SLC8A2: variants seen among roughly 807,000 people sequenced by gnomAD.
SLC8A2 encodes solute carrier family 8 member A2.
Under a neutral mutation model 70.2 loss-of-function variants are expected in SLC8A2, and 14 were observed. The ratio of observed to expected loss-of-function variants is 0.20; its 90% CI spans 0.13 to 0.31. The LOEUF (loss-of-function observed/expected upper bound fraction) is 0.31. Ranked by LOEUF, SLC8A2 falls within the 10% of genes least tolerant of loss-of-function variation. The pLI, the probability that SLC8A2 is intolerant of heterozygous loss-of-function variation, is 1.00. For synonymous variants in SLC8A2, 575 were observed against 594.3 expected, an observed-to-expected ratio of 0.97 and a Z score of 0.47; for missense variants, 779 against 1,320.1, an observed-to-expected ratio of 0.59 and a Z score of 6.35.
chr19:47,467,984 C>T (rs1055363085), intron 1 of SLC8A2, among the ~76,000 whole-genome samples: 3 of 151,840 alleles, frequency 2.0e-5, no homozygotes, highest in Non-Finnish European at 4.4e-5. Flanking sequence ...CCAGTCTGGG[C>T]GACAAAACCA....
chr19:47,459,053 T>C (rs540076309), intron 2 of SLC8A2, among the ~76,000 whole-genome samples: 3 of 148,600 alleles, frequency 2.0e-5, no homozygotes, highest in African/African-American at 5.0e-5. Context: ...TCTCTGTTCC[T>C]CACTTATTCT....
At chr19:47,459,871 A>C (rs1185836650) in intron 2 of SLC8A2, among the ~76,000 whole-genome samples, 1 of 152,106 alleles carries the variant, frequency 6.6e-6, no homozygotes, top group Non-Finnish European at 1.5e-5. Context: ...TTAGATGCTG[A>C]GAACCATGCC....
intron 6 of SLC8A2, among the ~76,000 whole-genome samples, chr19:47,439,834 T>C (rs1967078974): frequency 6.6e-6 from 1 of 152,100 alleles, no homozygotes; most frequent in Non-Finnish European, 1.5e-5. Flanking sequence ...CGGCTAATTT[T>C]TGTATTTTTA....
In SLC8A2 at chr19:47,448,656, A is replaced by T. The variant is rs1967199400; in HGVS notation, c.1341-425T>A. 6.6e-6 allele frequency among the ~76,000 whole-genome samples: 1 copy of T among 152,100 alleles called. No homozygotes were observed. Among genetic ancestry groups the T allele is most frequent in the Non-Finnish European group, 1.5e-5 (1 of 68,004 alleles). Reference sequence around the variant, plus strand: ...TTCTCAAACCTTAATATGCATATGAATCCCCTGGTGGAGCTTGTGAAAATG... The same window carrying T: ...TTCTCAAACCTTAATATGCATATGATTCCCCTGGTGGAGCTTGTGAAAATG... On this transcript the variant is annotated intron_variant, in intron 3 of 9. Coordinates refer to ENST00000236877, the MANE Select transcript of SLC8A2 (RefSeq NM_015063.3). The surrounding 1 kb of genome is among the most constrained non-coding windows in gnomAD (Gnocchi z 4.8).
chr19:47,470,952 C>G (rs1967529709), intron 1 of SLC8A2, among the ~76,000 whole-genome samples: 1 of 151,806 alleles, frequency 6.6e-6, no homozygotes. Flanking sequence ...CTGGGGGAGC[C>G]CACTCTGCGG....
Position 47,466,473 on chromosome 19 carries a change from T to G in SLC8A2, c.-16-54A>C. Reference sequence around the variant, plus strand: ...GAGGGAAGCAAACCTCTTTCTGTCATACAAAGGTCAAAGCTCACTGGGGAA... The same window carrying G: ...GAGGGAAGCAAACCTCTTTCTGTCAGACAAAGGTCAAAGCTCACTGGGGAA... On this transcript the variant is annotated intron_variant, in intron 1 of 9. Transcript: ENST00000236877. This position sits in a 1 kb window ranked among gnomAD's most constrained non-coding sequence, Gnocchi z 6.9. 1.5e-6 allele frequency: 1 copy of G among 645,234 alleles called. No homozygotes were observed. The highest frequency in any genetic ancestry group is 2.0e-5 in the South Asian group (1 of 50,378). 40.0% of individuals were successfully genotyped at this position (645,234 alleles called of 1,614,324 possible). A position where few individuals can be genotyped will look rare whatever the true frequency, so the allele number is the denominator to read the frequency against.
At chr19:47,442,972 G>A (rs1967116756) in intron 4 of SLC8A2, among the ~76,000 whole-genome samples, 1 of 152,106 alleles carries the variant, frequency 6.6e-6, no homozygotes, top group Non-Finnish European at 1.5e-5. Context: ...TGTGAGCCAT[G>A]GCACCTGGCC....
chr19:47,461,016 C>T (rs1006357721), intron 2 of SLC8A2, among the ~76,000 whole-genome samples: 2 of 151,760 alleles, frequency 1.3e-5, no homozygotes, highest in Admixed American at 6.6e-5. Context: ...ATGGTGAAAC[C>T]CCGTCTCTAC....
chr19:47,432,488 T>G lies in SLC8A2; in HGVS notation c.2111-43A>C. The G allele has an allele frequency of 6.6e-7, 1 of 1,520,822 alleles. No individual in the cohort carries two copies. Among genetic ancestry groups the G allele is most frequent in the East Asian group, 2.3e-5 (1 of 42,980 alleles). 94.2% of individuals were successfully genotyped at this position (1,520,822 alleles called of 1,614,324 possible). A position where few individuals can be genotyped will look rare whatever the true frequency, so the allele number is the denominator to read the frequency against. On this transcript the variant is annotated intron_variant, in intron 8 of 9. Transcript: ENST00000236877. This position sits in a 1 kb window ranked among gnomAD's most constrained non-coding sequence, Gnocchi z 6.2. ...AGCTGGGGCATACACTCAGACTTCC[T>G]TCCTTGCCTACAGAGGCCCCATTTT...
At chr19:47,469,841 A>C (rs1967511061) in intron 1 of SLC8A2, among the ~76,000 whole-genome samples, 1 of 152,158 alleles carries the variant, frequency 6.6e-6, no homozygotes, top group African/African-American at 2.4e-5. Flanking sequence ...TCCCAGGGCC[A>C]TCTCTCCCTC....
chr19:47,436,099 A>G (rs1047158868), intron 8 of SLC8A2, among the ~76,000 whole-genome samples: 4 of 151,946 alleles, frequency 2.6e-5, no homozygotes, highest in African/African-American at 7.2e-5. Flanking sequence ...AATCTCGCAC[A>G]CTCCAGGGCT....
Position 47,430,011 on chromosome 19 carries a change from G to A in SLC8A2, c.*78C>T, listed in dbSNP as rs1485749818. ...AGGAGGCCGAGTCTGGGGGGAAAAG[G>A]AGACCAGGGTCCAAGAGCAGGTGCA... On this transcript the variant is annotated 3_prime_UTR_variant, in exon 10 of 10. Transcript: ENST00000236877. The surrounding 1 kb of genome is among the most constrained non-coding windows in gnomAD (Gnocchi z 5.9). The A allele has an allele frequency of 7.0e-7, 1 of 1,435,060 alleles. No individual in the cohort carries two copies. Among genetic ancestry groups the A allele is most frequent in the African/African-American group, 1.4e-5 (1 of 69,830 alleles). The allele number at this position is 1,435,060 out of a possible 1,614,324, so 88.9% of individuals were successfully genotyped here.
chr19:47,439,515 G>C (rs773121793), intron 6 of SLC8A2, among the ~76,000 whole-genome samples: 1 of 151,778 alleles, frequency 6.6e-6, no homozygotes, highest in African/African-American at 2.4e-5. Flanking sequence ...CTTGGGCAAC[G>C]AGAGCAAAAC....
intron 2 of SLC8A2, 78 bp from the exon 3 acceptor site, chr19:47,457,672 G>T: frequency 1.0e-6 from 1 of 960,424 alleles, no homozygotes; most frequent in Non-Finnish European, 1.5e-6. Flanking sequence ...GTCTCTGTCC[G>T]CCTCTGCCAC....
In SLC8A2 at chr19:47,450,157, A is replaced by G. The variant is rs150153718; in HGVS notation, c.1341-1926T>C. Among the ~76,000 whole-genome samples, 66 of 152,198 alleles carry G rather than the reference A, an allele frequency of 4.3e-4. No individual in the cohort carries two copies. The South Asian group carries it at 5.2e-3, about 12-fold the overall frequency. On this transcript the variant is annotated intron_variant, in intron 3 of 9. Coordinates refer to ENST00000236877, the MANE Select transcript of SLC8A2 (RefSeq NM_015063.3). ...TTTCCCCCAATCCCTCCTACTGTGCATGTAAGGGGCTCAGCACCATCTCTG... is the reference window on the plus strand; with the variant it reads ...TTTCCCCCAATCCCTCCTACTGTGCGTGTAAGGGGCTCAGCACCATCTCTG...
chr19:47,457,130 C>T lies in SLC8A2; in HGVS notation c.1140G>A (p.Ala380=). 3.2e-6 allele frequency: 5 copies of T among 1,542,746 alleles called. No individual in the cohort carries two copies. The highest frequency in any genetic ancestry group is 2.5e-5 in the East Asian group (1 of 40,420). The change falls in exon 3 of 10, where the codon GCG becomes GCA. Residue 380 remains alanine (A), a synonymous_variant. Coordinates refer to ENST00000236877, the MANE Select transcript of SLC8A2 (RefSeq NM_015063.3). ...RHAADASRRA[A]PAEGAGEDED... ...CGTCCTCGCCCGCGCCCTCGGCCGG[C>T]GCCGCCCTGCGCGAGGCGTCCGCCG...
intron 2 of SLC8A2, among the ~76,000 whole-genome samples, chr19:47,459,878 T>C (rs779351890): frequency 6.6e-6 from 1 of 152,286 alleles, no homozygotes; most frequent in African/African-American, 2.4e-5. Flanking sequence ...CTGAGAACCA[T>C]GCCCAGCTGC....
intron 3 of SLC8A2, among the ~76,000 whole-genome samples, chr19:47,455,489 G>A (rs1008909568): frequency 2.6e-5 from 4 of 152,172 alleles, no homozygotes; most frequent in African/African-American, 9.7e-5. Context: ...GGGACTTTAT[G>A]AGTTTTGTTC....
intron 7 of SLC8A2, 125 bp from the exon 8 acceptor site, chr19:47,437,686 C>A (rs1413694726): frequency 9.5e-6 from 11 of 1,158,934 alleles, no homozygotes; most frequent in Non-Finnish European, 1.3e-5. Flanking sequence ...CACCCCCGTT[C>A]TGAAGGCAAG....
Sources: gnomAD v4.1 joint callset for allele counts (sites outside exome capture counted in the v4.1 genomes callset) on GRCh38, gnomAD v4.1.1 for gene constraint, Gnocchi (gnomAD v3.1) non-coding constraint, MANE v1.5 for transcripts, NCBI Gene and HGNC (gene_info 2026-07-23, HGNC 2026-07-21) for gene names.